The following PCBP3 variants were observed in gnomAD, a reference collection of about 807,000 sequenced individuals.
PCBP3 encodes poly(rC) binding protein 3.
In PCBP3, 25 loss-of-function variants were observed where a neutral mutation model predicts 52.7. That is an observed-to-expected ratio of 0.47 (90% confidence interval 0.35 to 0.66). The LOEUF is 0.66. Among genes scored for constraint, PCBP3 ranks in the 30% least tolerant of loss-of-function variants. The probability of loss-of-function intolerance (pLI) is 0.01; values close to 1 mark genes in which losing one functional copy is unlikely to be tolerated. For synonymous variants in PCBP3, 162 were observed against 183.0 expected (o/e 0.89, Z 0.93); for missense variants, 391 against 490.3 (o/e 0.80, Z 1.91).
intron 6 of PCBP3, among the ~76,000 whole-genome samples, chr21:45,899,147 C>T (rs919933131): frequency 7.9e-5 from 12 of 152,272 alleles, no homozygotes; most frequent in East Asian, 1.9e-4. Context: ...CATCTTCCAG[C>T]GTTCCTTTTA....
At chr21:45,872,610 G>A (rs1203133981) in intron 5 of PCBP3, 1 of 152,254 alleles carries the variant, frequency 6.6e-6, no homozygotes, top group Non-Finnish European at 1.5e-5. Flanking sequence ...CAGTGGAGCA[G>A]CCTGCTCAGT....
At chr21:45,688,879 C>A (rs945963213) in intron 2 of PCBP3, among the ~76,000 whole-genome samples, 7 of 150,400 alleles carry the variant, frequency 4.7e-5, no homozygotes, top group Admixed American at 2.0e-4. Flanking sequence ...AAAAAAACAA[C>A]AACAAAAACA....
Position 45,741,977 on chromosome 21 carries a change from C to T in PCBP3, c.-162+6548C>T, listed in dbSNP as rs920905369. 2.0e-5 allele frequency among the ~76,000 whole-genome samples: 3 copies of T among 152,172 alleles called. No homozygotes were observed. Among genetic ancestry groups the T allele is most frequent in the African/African-American group, 7.2e-5 (3 of 41,410 alleles). The stretch of plus-strand genomic sequence containing the variant: ...GGCATTCAGTACACACTTTCGTGCC[C>T]TGCTTTTTAACTGAATAGTATTCTG... On this transcript the variant is annotated intron_variant, in intron 3 of 17. Coordinates refer to ENST00000681687, the MANE Select transcript of PCBP3 (RefSeq NM_001384156.1). The surrounding 1 kb of genome is among the most constrained non-coding windows in gnomAD (Gnocchi z 4.5).
At chr21:45,692,866 A>G (rs1249057698) in intron 2 of PCBP3, among the ~76,000 whole-genome samples, 1 of 152,204 alleles carries the variant, frequency 6.6e-6, no homozygotes, top group Non-Finnish European at 1.5e-5. Context: ...GTAACTAGGT[A>G]CTAAAATCCT....
intron 2 of PCBP3, among the ~76,000 whole-genome samples, chr21:45,682,791 C>A (rs369445863): frequency 6.6e-6 from 1 of 152,042 alleles, no homozygotes; most frequent in South Asian, 2.1e-4. Context: ...GGAAGTGAAA[C>A]ATGCCAATTA....
At chr21:45,717,592 A>T (rs990940306) in intron 2 of PCBP3, among the ~76,000 whole-genome samples, 1 of 152,188 alleles carries the variant, frequency 6.6e-6, no homozygotes, top group African/African-American at 2.4e-5. Context: ...TGAGATGATC[A>T]TGTGGTTTTT....
chr21:45,722,856 A>C (rs943328290), intron 2 of PCBP3, among the ~76,000 whole-genome samples: 76 of 151,788 alleles, frequency 5.0e-4, no homozygotes, highest in African/African-American at 1.6e-3. Flanking sequence ...ATTAAAAAAA[A>C]ACAAAAATTA....
intron 13 of PCBP3, among the ~76,000 whole-genome samples, chr21:45,923,969 C>T (rs62213797): frequency 0.015 from 552 of 37,226 alleles, 172 homozygotes; most frequent in Middle Eastern, 0.048. Flanking sequence ...ATGCGAACAC[C>T]GGGAACAGTC....
intron 2 of PCBP3, among the ~76,000 whole-genome samples, chr21:45,720,585 C>T (rs1386480011): frequency 6.6e-6 from 1 of 152,112 alleles, no homozygotes; most frequent in Non-Finnish European, 1.5e-5. Context: ...TTTTAAATGC[C>T]TTAGCAGTAA....
intron 4 of PCBP3, among the ~76,000 whole-genome samples, chr21:45,813,599 G>A (rs1163281426): frequency 2.0e-5 from 3 of 152,108 alleles, no homozygotes; most frequent in Non-Finnish European, 2.9e-5. Flanking sequence ...GCGCCACAAC[G>A]CCCGGCTATT....
intron 5 of PCBP3, among the ~76,000 whole-genome samples, chr21:45,852,201 T>C (rs987238791): frequency 1.3e-5 from 2 of 152,274 alleles, no homozygotes; most frequent in South Asian, 2.1e-4. Context: ...CATCATACTG[T>C]ATCCTGTAAA....
At chr21:45,667,798 G>C (rs2080902327) in intron 1 of PCBP3, among the ~76,000 whole-genome samples, 1 of 152,086 alleles carries the variant, frequency 6.6e-6, no homozygotes, top group Admixed American at 6.5e-5. Flanking sequence ...CTGGAAATCT[G>C]ATTCTCCTTT....
chr21:45,939,458 G>T (rs1187196440), intron 16 of PCBP3, among the ~76,000 whole-genome samples: 2 of 152,248 alleles, frequency 1.3e-5, no homozygotes, highest in Non-Finnish European at 2.9e-5. Context: ...GGTCCCAACA[G>T]GGGAATGAAA....
In PCBP3 at chr21:45,778,702, C is replaced by T. The variant is rs576595098; in HGVS notation, c.-126+23250C>T. 2.0e-5 allele frequency among the ~76,000 whole-genome samples: 3 copies of T among 152,264 alleles called. No homozygotes were observed. In the East Asian group the frequency reaches 5.8e-4, roughly 29 times the overall value. Reference sequence around the variant, plus strand: ...ACCCACAATGGTGGATTGGGTTGGGCAATGCCTGGGACCCTGGGCTACATG... The same window carrying T: ...ACCCACAATGGTGGATTGGGTTGGGTAATGCCTGGGACCCTGGGCTACATG... On this transcript the variant is annotated intron_variant, in intron 4 of 17. Coordinates refer to ENST00000681687, the MANE Select transcript of PCBP3 (RefSeq NM_001384156.1).
Position 45,655,926 on chromosome 21 carries a change from A to G in PCBP3, c.-279+12058A>G, listed in dbSNP as rs62215032. Among the ~76,000 whole-genome samples, 1,369 of 152,368 alleles carry G rather than the reference A, an allele frequency of 9.0e-3. 12 individuals carry two copies. The highest frequency in any genetic ancestry group is 0.015 in the Non-Finnish European group (1,039 of 68,040). Reference sequence around the variant, plus strand: ...ATAACTGGTCATTAGAGAAATGCAAATGAAAACCACAATGAGATACCGTCT... The same window carrying G: ...ATAACTGGTCATTAGAGAAATGCAAGTGAAAACCACAATGAGATACCGTCT... On this transcript the variant is annotated intron_variant, in intron 1 of 17. Transcript: ENST00000681687.
rs1197999215 is a variant in PCBP3, at chr21:45,929,527, G to A, written c.718-390G>A. 6.6e-5 allele frequency among the ~76,000 whole-genome samples: 10 copies of A among 152,280 alleles called. No homozygotes were observed. The East Asian group carries it at 1.2e-3, about 18-fold the overall frequency. On this transcript the variant is annotated intron_variant, in intron 13 of 17. Coordinates refer to ENST00000681687, the MANE Select transcript of PCBP3 (RefSeq NM_001384156.1). ...GGCTGATTTTAGTGACTAGTGACTC[G>A]GCCTTGAATCTCCTAGAAGTGCAGC...
In PCBP3 at chr21:45,935,199, T is replaced by G. The variant is rs1463043818; in HGVS notation, c.857-54T>G. ...GGAGAGTGAGGGACAGGCACTGGAG[T>G]GTGACTGTTAGCAGCCTTCCACCAG... On this transcript the variant is annotated intron_variant, in intron 15 of 17. Transcript: ENST00000681687. 1.9e-5 allele frequency: 23 copies of G among 1,234,750 alleles called. No individual in the cohort carries two copies. In the East Asian group the frequency reaches 5.1e-4, roughly 28 times the overall value. The allele number at this position is 1,234,750 out of a possible 1,614,324, so 76.5% of individuals were successfully genotyped here. A position where few individuals can be genotyped will look rare whatever the true frequency, so the allele number is the denominator to read the frequency against.
intron 5 of PCBP3, among the ~76,000 whole-genome samples, chr21:45,895,564 G>T (rs2095802406): frequency 6.6e-6 from 1 of 152,222 alleles, no homozygotes; most frequent in Admixed American, 6.5e-5. Context: ...CCTTAATTTT[G>T]CCCAGTGGGC....
intron 1 of PCBP3, among the ~76,000 whole-genome samples, chr21:45,645,545 A>C (rs549864965): frequency 6.6e-6 from 1 of 152,342 alleles, no homozygotes; most frequent in South Asian, 2.1e-4. Context: ...CTTTGTGGTT[A>C]CGTTTTTAGC....
Sources: gnomAD v4.1 joint callset for allele counts (sites outside exome capture counted in the v4.1 genomes callset) on GRCh38, gnomAD v4.1.1 for gene constraint, Gnocchi (gnomAD v3.1) non-coding constraint, MANE v1.5 for transcripts, NCBI Gene and HGNC (gene_info 2026-07-23, HGNC 2026-07-21) for gene names.